SVEP1: variants seen among roughly 807,000 people sequenced by gnomAD.
SVEP1 encodes the protein sushi, von Willebrand factor type A, EGF and pentraxin domain containing 1.
In SVEP1, 164 loss-of-function variants were observed where a neutral mutation model predicts 367.3. The observed-to-expected ratio is 0.45, with a 90% CI of 0.39 to 0.51. The LOEUF (loss-of-function observed/expected upper bound fraction) is 0.51. SVEP1 is among the 20% of genes least tolerant of loss of function. The pLI is 0.00. For missense variants in SVEP1, 4,117 were observed against 4,425.3 expected, an observed-to-expected ratio of 0.93 and a Z score of 1.98; for synonymous variants, 1,666 against 1,611.6, an observed-to-expected ratio of 1.03 and a Z score of -0.81.
Position 110,430,318 on chromosome 9 carries a change from CAT to C in SVEP1, c.5484_5485del (p.Cys1829PhefsTer14), listed in dbSNP as rs1229318705. The C allele has an allele frequency of 1.2e-6, 2 of 1,613,318 alleles. No individual in the cohort carries two copies. Among genetic ancestry groups the C allele is most frequent in the Non-Finnish European group, 1.7e-6 (2 of 1,179,698 alleles). Reference sequence around the variant, plus strand: ...ATGATTCCATTCTCCAGACTCCAAACATGTGATTTTGGTTACTCCCATCAACT... The same window carrying C: ...ATGATTCCATTCTCCAGACTCCAAACGTGATTTTGGTTACTCCCATCAACT... On this transcript the variant is annotated frameshift_variant, in exon 33 of 48. Coordinates refer to ENST00000374469, the MANE Select transcript of SVEP1 (RefSeq NM_153366.4). LOFTEE classifies it high-confidence loss of function.
At chr9:110,506,927 A>G (rs935241470) in intron 5 of SVEP1, among the ~76,000 whole-genome samples, 3 of 152,098 alleles carry the variant, frequency 2.0e-5, no homozygotes, top group African/African-American at 7.2e-5. Flanking sequence ...GGGTAGGGGA[A>G]AGAATAAATA....
intron 46 of SVEP1, among the ~76,000 whole-genome samples, chr9:110,372,947 A>G (rs1033433353): frequency 6.6e-6 from 1 of 152,214 alleles, no homozygotes; most frequent in African/African-American, 2.4e-5. Flanking sequence ...TAGTACATTG[A>G]TGATGTTCAG....
At chr9:110,526,162 T>C (rs957176966) in intron 3 of SVEP1, among the ~76,000 whole-genome samples, 13 of 152,104 alleles carry the variant, frequency 8.5e-5, no homozygotes, top group Non-Finnish European at 1.8e-4. Context: ...GCAGAATTCA[T>C]AGAAATAAAA....
chr9:110,410,015 T>G (rs61259796), intron 37 of SVEP1, among the ~76,000 whole-genome samples: 1 of 114,896 alleles, frequency 8.7e-6, no homozygotes, highest in East Asian at 5.2e-4. Context: ...TTATTAAATT[T>G]ATAAATGAAC....
At chr9:110,508,687 G>A (rs913446235) in intron 5 of SVEP1, among the ~76,000 whole-genome samples, 5 of 144,568 alleles carry the variant, frequency 3.5e-5, no homozygotes, top group Non-Finnish European at 7.5e-5. Context: ...CGTGAACCCA[G>A]GAGACGGAGC....
At chr9:110,561,052 G>A (rs1443064991) in intron 1 of SVEP1, among the ~76,000 whole-genome samples, 1 of 151,872 alleles carries the variant, frequency 6.6e-6, no homozygotes, top group Non-Finnish European at 1.5e-5. Flanking sequence ...GCTAAATAAT[G>A]CTTCCAACCA....
intron 28 of SVEP1, among the ~76,000 whole-genome samples, chr9:110,435,782 A>G (rs983824628): frequency 6.6e-6 from 1 of 152,250 alleles, no homozygotes; most frequent in African/African-American, 2.4e-5. Flanking sequence ...AGCCTTTACT[A>G]TGGGCCAAAT....
chr9:110,447,570 T>C lies in SVEP1; in HGVS notation c.4104-513A>G, dbSNP rs938623948. ...AGGATGCTATATAGTTTCTGTGCTA[T>C]GCAACAAACCATTTTAAACTCATCA... On this transcript the variant is annotated intron_variant, in intron 24 of 47. Transcript: ENST00000374469. Among the ~76,000 whole-genome samples the C allele has an allele frequency of 1.6e-4, 24 of 152,226 alleles. 1 individual carries two copies. The highest frequency in any genetic ancestry group is 1.4e-3 in the Admixed American group (21 of 15,286).
chr9:110,472,206 C>A lies in SVEP1; in HGVS notation c.2717G>T (p.Ser906Ile). ...GNAKSSRIKR[S>I]APLSDYKIKL... ...AATTTTATAGTCAGATAATGGGGCA[C>A]TTCTTTTAATCCGTGAGGACTTGGC... is the stretch of plus-strand genomic sequence containing the variant. The change falls in exon 15 of 48, where the codon AGT becomes ATT. Residue 906 changes from serine to isoleucine, a missense_variant. Physicochemically the swap from Ser to Ile is moderately radical, Grantham distance 142. Around this residue, in one of 4 missense-constraint regions of SVEP1, gnomAD observed 2,174 missense variants for 2,494.3 expected, o/e 0.87. Transcript: ENST00000374469. 6.2e-7 allele frequency: 1 copy of A among 1,613,420 alleles called. No individual in the cohort carries two copies. The highest frequency in any genetic ancestry group is 8.5e-7 in the Non-Finnish European group (1 of 1,179,752).
chr9:110,391,341 G>C (rs1176469886), intron 40 of SVEP1, among the ~76,000 whole-genome samples: 2 of 150,716 alleles, frequency 1.3e-5, no homozygotes, highest in Non-Finnish European at 2.9e-5. Context: ...TGCAATCTCG[G>C]CTCTCTGCAA....
intron 21 of SVEP1, among the ~76,000 whole-genome samples, chr9:110,456,584 T>C (rs1285422873): frequency 6.6e-6 from 1 of 152,220 alleles, no homozygotes; most frequent in African/African-American, 2.4e-5. Context: ...ATTCCTTTAC[T>C]TAAATACCAC....
intron 36 of SVEP1, among the ~76,000 whole-genome samples, chr9:110,426,790 T>C (rs1408394666): frequency 6.6e-6 from 1 of 152,128 alleles, no homozygotes; most frequent in African/African-American, 2.4e-5. Context: ...TTTGCTAAGA[T>C]CAAATGAGAC....
intron 1 of SVEP1, among the ~76,000 whole-genome samples, chr9:110,573,099 G>A (rs920183911): frequency 5.3e-5 from 8 of 152,074 alleles, no homozygotes; most frequent in African/African-American, 1.4e-4. Flanking sequence ...AACAGTGAGC[G>A]ATTGTTGATG....
chr9:110,370,021 A>G lies in SVEP1; in HGVS notation c.10601-5T>C. 6.2e-7 allele frequency: 1 copy of G among 1,611,424 alleles called. No homozygotes were observed. The highest frequency in any genetic ancestry group is 8.5e-7 in the Non-Finnish European group (1 of 1,178,562). ...AGCAGGGAGACTGGCAAACAGCTGG[A>G]ATAAAAAACCCATGCATTTATTTAA... On this transcript the variant is annotated splice_polypyrimidine_tract_variant and splice_region_variant and intron_variant, in intron 46 of 47. Coordinates refer to ENST00000374469, the MANE Select transcript of SVEP1 (RefSeq NM_153366.4).
intron 39 of SVEP1, among the ~76,000 whole-genome samples, chr9:110,403,365 C>A (rs111779837): frequency 8.2e-6 from 1 of 122,038 alleles, no homozygotes; most frequent in Non-Finnish European, 1.6e-5. Flanking sequence ...AGTGCAGTGG[C>A]GCAATCTCGG....
At chr9:110,468,880 C>A in intron 17 of SVEP1, 60 bp downstream of exon 17, 2 of 1,462,776 alleles carry the variant, frequency 1.4e-6, no homozygotes, top group Non-Finnish European at 1.8e-6. Flanking sequence ...ATCTTTCTTT[C>A]CCCCAAAAGG....
intron 9 of SVEP1, 35 bp from the exon 10 acceptor site, chr9:110,483,728 C>A (rs766394610): frequency 6.7e-7 from 1 of 1,485,984 alleles, no homozygotes; most frequent in Non-Finnish European, 9.1e-7. Context: ...GAAGTCACAG[C>A]TGATATTCAC....
intron 18 of SVEP1, among the ~76,000 whole-genome samples, chr9:110,463,598 A>G (rs962895569): frequency 9.3e-5 from 14 of 151,150 alleles, no homozygotes; most frequent in Admixed American, 2.6e-4. Flanking sequence ...GGAAAGAAAG[A>G]AAGGAAGAAA....
chr9:110,366,530 G>T lies in SVEP1; in HGVS notation c.*9C>A. 6.4e-7 allele frequency: 1 copy of T among 1,554,294 alleles called. No homozygotes were observed. The highest frequency in any genetic ancestry group is 8.7e-7 in the Non-Finnish European group (1 of 1,152,678). On this transcript the variant is annotated 3_prime_UTR_variant, in exon 48 of 48. Transcript: ENST00000374469. ...CTGCTTTTGGGAGAGCCAGATGGTC[G>T]TGCAGTGGTTAAAACCCAGTCCTCC...
Sources: gnomAD v4.1 joint callset for allele counts (sites outside exome capture counted in the v4.1 genomes callset) on GRCh38, gnomAD v4.1.1 for gene constraint, gnomAD v4.1.1 regional missense constraint, MANE v1.5 for transcripts, NCBI Gene and HGNC (gene_info 2026-07-23, HGNC 2026-07-21) for gene names.